Variants in DGCR6L observed in about 807,000 individuals in gnomAD.
DGCR6L encodes DiGeorge syndrome critical region gene 6 like, also known as protein DGCR6L.
In DGCR6L, 24 loss-of-function variants were observed where a neutral mutation model predicts 31.1. The observed-to-expected ratio is 0.77, with a 90% CI of 0.56 to 1.08. The LOEUF is 1.08. DGCR6L is among the 50% of genes least tolerant of loss of function. The probability of loss-of-function intolerance (pLI) is 0.00; values close to 1 mark genes in which losing one functional copy is unlikely to be tolerated. For synonymous variants in DGCR6L, 104 were observed against 126.1 expected, an observed-to-expected ratio of 0.82 and a Z score of 1.17; for missense variants, 218 against 287.1, an observed-to-expected ratio of 0.76 and a Z score of 1.74.
In DGCR6L at chr22:20,314,600, C is replaced by G. The variant is rs928140896; in HGVS notation, c.*75G>C. ...CTGGTCTCTCCTCAGCAGGGGGAAC[C>G]CCCTGCGGGCAGCTGGGAAGGCAGT... On this transcript the variant is annotated 3_prime_UTR_variant, in exon 5 of 5. Coordinates refer to ENST00000248879, the MANE Select transcript of DGCR6L (RefSeq NM_033257.4). 29 of 1,493,960 alleles carry G rather than the reference C, an allele frequency of 1.9e-5. No homozygotes were observed. In the African/African-American group the frequency reaches 4.1e-4, roughly 21 times the overall value. 92.5% of individuals were successfully genotyped at this position (1,493,960 alleles called of 1,614,324 possible).
chr22:20,315,937 A>G lies in DGCR6L; in HGVS notation c.372+182T>C, dbSNP rs1279820499. Among the ~76,000 whole-genome samples, 4 of 152,150 alleles carry G rather than the reference A, an allele frequency of 2.6e-5. No homozygotes were observed. In the East Asian group the frequency reaches 7.7e-4, roughly 29 times the overall value. ...TTCTCAACCTCCACCCAGCCCCAGC[A>G]CACTTGGTATCCGCAAAGAGGAGCC... On this transcript the variant is annotated intron_variant, in intron 3 of 4. Transcript: ENST00000248879.
chr22:20,319,588 G>A (rs1202988370), intron 2 of DGCR6L, 51 bp downstream of exon 2: 3 of 1,596,056 alleles, frequency 1.9e-6, no homozygotes, highest in Non-Finnish European at 2.6e-6. Context: ...AGAGCTGCCC[G>A]GAGGCGCCGA....
chr22:20,319,579 G>A, intron 2 of DGCR6L, 60 bp downstream of exon 2: 1 of 1,585,686 alleles, frequency 6.3e-7, no homozygotes. Context: ...CAGATACCAA[G>A]AGCTGCCCGG....
At position 20,319,659 on chromosome 22, in the gene DGCR6L, C is replaced by T; in HGVS notation, c.251G>A (p.Arg84His). Residue 84 changes from arginine to histidine, a missense_variant, in exon 2 of 5, where the codon CGC (arginine) becomes CAC (histidine). Transcript: ENST00000248879. ...TEKSLYNQRL[R>H]LQNEHRVLRQ... ...CGCACCTCGGTGCTCGTTCTGTAGG[C>T]GCAGGCGCTGGTTGTACAGGCTCTT... is the stretch of plus-strand genomic sequence containing the variant. 6.2e-7 allele frequency: 1 copy of T among 1,611,592 alleles called. No individual in the cohort carries two copies. The highest frequency in any genetic ancestry group is 8.5e-7 in the Non-Finnish European group (1 of 1,179,842).
intron 2 of DGCR6L, among the ~76,000 whole-genome samples, chr22:20,317,640 GC>G (rs1174783052): frequency 1.3e-5 from 2 of 152,252 alleles, no homozygotes; most frequent in African/African-American, 4.8e-5. Flanking sequence ...TGGAAAAATG[GC>G]CGATTCCAGG....
chr22:20,316,685 C>T (rs575001936), intron 2 of DGCR6L, among the ~76,000 whole-genome samples: 1 of 152,342 alleles, frequency 6.6e-6, no homozygotes, highest in East Asian at 1.9e-4. Context: ...GTGGTCGGGC[C>T]CTCCACCCTC....
At chr22:20,315,902 C>T (rs1000069961) in intron 3 of DGCR6L, among the ~76,000 whole-genome samples, 25 of 152,202 alleles carry the variant, frequency 1.6e-4, no homozygotes, top group Admixed American at 5.9e-4. Flanking sequence ...TCCAGGGGAG[C>T]ACTGGTGGGT....
chr22:20,317,115 C>A (rs1031934376), intron 2 of DGCR6L, among the ~76,000 whole-genome samples: 1 of 152,154 alleles, frequency 6.6e-6, no homozygotes, highest in Non-Finnish European at 1.5e-5. Context: ...TGTTGCAGCT[C>A]TTCTCTGGTG....
Position 20,319,932 on chromosome 22 carries a change from C to G in DGCR6L, c.57G>C (p.Glu19Asp). Residue 19 changes from glutamate to aspartate, a missense_variant, in exon 1 of 5, where the codon GAG becomes GAC. Glu to Asp is a conservative substitution (Grantham distance 45, BLOSUM62 2). This residue lies in a region of DGCR6L where 77 missense variants were observed against 71.2 expected (regional missense o/e 1.08). Coordinates refer to ENST00000248879, the MANE Select transcript of DGCR6L (RefSeq NM_033257.4). ...GCGCCGACAGCAACTGGTAGTGTCG[C>G]TCCTGCTGCCGGGCACCGTCCGCCA... is the stretch of plus-strand genomic sequence containing the variant. ...EEVADGARQQ[E>D]RHYQLLSALQ... The G allele has an allele frequency of 6.2e-7, 1 of 1,610,164 alleles. No individual in the cohort carries two copies. Among genetic ancestry groups the G allele is most frequent in the South Asian group, 1.1e-5 (1 of 90,642 alleles).
At chr22:20,316,413 G>A (rs1321756061) in intron 2 of DGCR6L, among the ~76,000 whole-genome samples, 194 bp from the exon 3 acceptor site, 1 of 152,208 alleles carries the variant, frequency 6.6e-6, no homozygotes, top group Non-Finnish European at 1.5e-5. Flanking sequence ...AGTCTCCAGG[G>A]GACTCCAGAA....
rs761914065 is a variant in DGCR6L, at chr22:20,320,021, G to A, written c.-33C>T. 196 of 1,514,892 alleles carry A rather than the reference G, an allele frequency of 1.3e-4. 1 individual carries two copies. Among genetic ancestry groups the A allele is most frequent in the Non-Finnish European group, 7.9e-6 (9 of 1,136,032 alleles). The allele number at this position is 1,514,892 out of a possible 1,614,324, so 93.8% of individuals were successfully genotyped here. On this transcript the variant is annotated 5_prime_UTR_variant, in exon 1 of 5. Coordinates refer to ENST00000248879, the MANE Select transcript of DGCR6L (RefSeq NM_033257.4). The stretch of plus-strand genomic sequence containing the variant: ...ACGCCCGCTAGCCGCCGGCGGCGGC[G>A]ACGAGCTCCCCCAGCTTCACGACAT...
rs2051564132 is a variant in DGCR6L, at chr22:20,315,379, T to C, written c.470A>G (p.Glu157Gly). ...GTAGAAGCCAGCCACCCCCGCCTTC[T>C]CCAGTGTGCTCTGCTGGTCAGCCAC... ...RKVADQQSTL[E>G]KAGVAGFYVT... Residue 157 changes from glutamate to glycine, a missense_variant, in exon 4 of 5, where the codon GAG becomes GGG. Around this residue, in one of 4 missense-constraint regions of DGCR6L, gnomAD observed 58 missense variants for 105.4 expected, o/e 0.55. Transcript: ENST00000248879. 2 of 1,613,802 alleles carry C rather than the reference T, an allele frequency of 1.2e-6. No homozygotes were observed. The highest frequency in any genetic ancestry group is 3.3e-5 in the Admixed American group (2 of 60,004).
chr22:20,317,954 G>A (rs897206338), intron 2 of DGCR6L, among the ~76,000 whole-genome samples: 3 of 152,152 alleles, frequency 2.0e-5, no homozygotes, highest in Non-Finnish European at 4.4e-5. Flanking sequence ...AGAACACTTC[G>A]AAACTCATCC....
intron 4 of DGCR6L, 88 bp from the exon 5 acceptor site, chr22:20,314,912 G>A (rs772769914): frequency 1.0e-4 from 164 of 1,590,250 alleles, no homozygotes; most frequent in Non-Finnish European, 1.2e-4. Context: ...TGAGCCCACG[G>A]GGGCGACCAT....
rs2051599487 is a variant in DGCR6L, at chr22:20,320,046, TC to T, written c.-59del. 1 of 1,467,314 alleles carries T rather than the reference TC, an allele frequency of 6.8e-7. No individual in the cohort carries two copies. Among genetic ancestry groups the T allele is most frequent in the Non-Finnish European group, 9.0e-7 (1 of 1,114,500 alleles). 90.9% of individuals were successfully genotyped at this position (1,467,314 alleles called of 1,614,324 possible). A position where few individuals can be genotyped will look rare whatever the true frequency, so the allele number is the denominator to read the frequency against. On this transcript the variant is annotated 5_prime_UTR_variant, in exon 1 of 5. Transcript: ENST00000248879. ...GACGAGCTCCCCCAGCTTCACGACA[TC>T]CCGAGCGCGGCGCGTCCCGCCCCTT...
Position 20,314,531 on chromosome 22 carries a change from G to A in DGCR6L, c.*144C>T. ...CCTTTATGAGACTATCCTAGGGTTT[G>A]ACAGCAAGTCCCAGATGAAGGGTGA... On this transcript the variant is annotated 3_prime_UTR_variant, in exon 5 of 5. Transcript: ENST00000248879. 1 of 1,214,530 alleles carries A rather than the reference G, an allele frequency of 8.2e-7. No homozygotes were observed. Among genetic ancestry groups the A allele is most frequent in the South Asian group, 1.6e-5 (1 of 61,858 alleles). 75.2% of individuals were successfully genotyped at this position (1,214,530 alleles called of 1,614,324 possible).
At chr22:20,318,065 A>G (rs2051583070) in intron 2 of DGCR6L, 1 of 202,750 alleles carries the variant, frequency 4.9e-6, no homozygotes, top group East Asian at 1.4e-4. Flanking sequence ...TTAAGATTTT[A>G]GCAAATCAAA....
chr22:20,316,019 A>T (rs2051568428), intron 3 of DGCR6L, 100 bp downstream of exon 3: 13 of 1,398,900 alleles, frequency 9.3e-6, no homozygotes, highest in Non-Finnish European at 1.1e-5. Flanking sequence ...ACAGCCACCC[A>T]TGCCTGAGCC....
chr22:20,319,991 C>A lies in DGCR6L; in HGVS notation c.-3G>T. The A allele has an allele frequency of 1.3e-6, 2 of 1,562,116 alleles. No homozygotes were observed. Among genetic ancestry groups the A allele is most frequent in the Non-Finnish European group, 1.7e-6 (2 of 1,159,224 alleles). ...AAGGCGGCCGCGTAGCGCTCCATGG[C>A]GCGGACGCCCGCTAGCCGCCGGCGG... On this transcript the variant is annotated 5_prime_UTR_variant, in exon 1 of 5. Coordinates refer to ENST00000248879, the MANE Select transcript of DGCR6L (RefSeq NM_033257.4).
Sources: allele counts gnomAD v4.1 joint callset (sites outside exome capture counted in the v4.1 genomes callset), GRCh38; gene constraint gnomAD v4.1.1; regional missense constraint gnomAD v4.1.1; transcripts MANE v1.5; gene names NCBI Gene and HGNC (gene_info 2026-07-23, HGNC 2026-07-21).